The following AGBL1 variants were observed in gnomAD, a reference collection of about 807,000 sequenced individuals.
AGBL1 encodes AGBL carboxypeptidase 1, also known as cytosolic carboxypeptidase 4.
In AGBL1, 130 loss-of-function variants were observed where a neutral mutation model predicts 118.9. The ratio of observed to expected loss-of-function variants is 1.09; its 90% CI spans 0.95 to 1.26. The LOEUF is 1.26. Ranked by LOEUF, AGBL1 falls within the 50% of genes most tolerant of loss-of-function variation. The pLI is 0.00. For synonymous variants in AGBL1, 555 were observed against 478.9 expected, an observed-to-expected ratio of 1.16 and a Z score of -2.08; for missense variants, 1,584 against 1,298.1, an observed-to-expected ratio of 1.22 and a Z score of -3.38.
intron 17 of AGBL1, among the ~76,000 whole-genome samples, chr15:86,346,936 G>A (rs1327943174): frequency 2.0e-5 from 3 of 152,114 alleles, no homozygotes; most frequent in East Asian, 1.9e-4. Context: ...CAACTTGGAA[G>A]GCTATGAAAA....
chr15:86,202,490 A>G (rs1225995463), intron 5 of AGBL1, among the ~76,000 whole-genome samples: 6 of 152,218 alleles, frequency 3.9e-5, no homozygotes, highest in African/African-American at 1.4e-4. Flanking sequence ...TCTTCATAGT[A>G]AAATGAGACA....
chr15:86,936,724 A>G (rs1298598684), intron 23 of AGBL1, among the ~76,000 whole-genome samples: 3 of 152,242 alleles, frequency 2.0e-5, no homozygotes. Context: ...AGGCAATACC[A>G]TGCTAGACAT....
intron 18 of AGBL1, among the ~76,000 whole-genome samples, chr15:86,418,675 G>A (rs539533115): frequency 1.3e-3 from 201 of 152,168 alleles, no homozygotes; most frequent in African/African-American, 4.7e-3. Context: ...GCTAAGGGTG[G>A]GCTAAGCCAC....
chr15:86,645,520 G>A (rs1456937307), intron 21 of AGBL1, among the ~76,000 whole-genome samples: 3 of 152,168 alleles, frequency 2.0e-5, no homozygotes, highest in Non-Finnish European at 4.4e-5. Context: ...GTGGAGTTTG[G>A]CACATTGCCT....
rs182139541 is a variant in AGBL1, at chr15:86,802,384, C to G, written c.3159-104703C>G. On this transcript the variant is annotated intron_variant, in intron 22 of 22. Coordinates refer to ENST00000614907, the MANE Select transcript of AGBL1 (RefSeq NM_001386094.1). ...CCCCAGTTCCTATCACAGAGCCTGGCACTTGCAAGGGACTCAAATATTTCT... is the reference window on the plus strand; with the variant it reads ...CCCCAGTTCCTATCACAGAGCCTGGGACTTGCAAGGGACTCAAATATTTCT... 2.4e-4 allele frequency among the ~76,000 whole-genome samples: 36 copies of G among 152,132 alleles called. 1 individual carries two copies. In the East Asian group the frequency reaches 6.8e-3, roughly 29 times the overall value.
At chr15:86,297,709 A>G (rs1361637971) in intron 17 of AGBL1, among the ~76,000 whole-genome samples, 1 of 152,160 alleles carries the variant, frequency 6.6e-6, no homozygotes, top group Non-Finnish European at 1.5e-5. Flanking sequence ...ATCTTTCATC[A>G]TGGGGATTAA....
intron 19 of AGBL1, among the ~76,000 whole-genome samples, chr15:86,531,876 T>G (rs1168733586): frequency 6.8e-6 from 1 of 147,916 alleles, no homozygotes; most frequent in African/African-American, 2.5e-5. Context: ...ATTATCTCAA[T>G]AGATGCAGAA....
chr15:86,940,665 G>T (rs375386336), intron 23 of AGBL1, among the ~76,000 whole-genome samples: 28 of 152,258 alleles, frequency 1.8e-4, no homozygotes, highest in African/African-American at 6.5e-4. Flanking sequence ...AACCAAAACT[G>T]AGTTATCCAA....
chr15:86,987,061 T>G (rs987884625), intron 23 of AGBL1, among the ~76,000 whole-genome samples: 4 of 152,126 alleles, frequency 2.6e-5, no homozygotes, highest in African/African-American at 9.7e-5. Flanking sequence ...AGAAGGAATT[T>G]CACAAGGTAA....
In AGBL1 at chr15:86,970,865, G is replaced by A. The variant is rs533558345; in HGVS notation, c.3222-17122G>A. Reference sequence around the variant, plus strand: ...ATTCAACGAACTGAGGTTTTAAAATGTTTGGAAAAAACATAATAAAACATA... The same window carrying A: ...ATTCAACGAACTGAGGTTTTAAAATATTTGGAAAAAACATAATAAAACATA... On this transcript the variant is annotated intron_variant, in intron 23 of 24. Transcript: ENST00000441037. Among the ~76,000 whole-genome samples, 180 of 152,054 alleles carry A rather than the reference G, an allele frequency of 1.2e-3. 1 individual carries two copies. The highest frequency in any genetic ancestry group is 3.5e-3 in the African/African-American group (145 of 41,526).
intron 22 of AGBL1, among the ~76,000 whole-genome samples, chr15:86,827,418 TATATATATATAC>T (rs2079035160): frequency 3.3e-4 from 3 of 9,192 alleles, no homozygotes; most frequent in African/African-American, 1.6e-3. Flanking sequence ...TGTGTATATA[TATATATATATAC>T]ACATATATAT....
At chr15:86,148,426 C>A (rs189330758) in intron 3 of AGBL1, among the ~76,000 whole-genome samples, 1 of 152,040 alleles carries the variant, frequency 6.6e-6, no homozygotes, top group Admixed American at 6.6e-5. Context: ...GTGGAGGAGA[C>A]CTTAAATGAC....
At chr15:86,870,364 T>C (rs1204419669) in intron 22 of AGBL1, among the ~76,000 whole-genome samples, 1 of 149,638 alleles carries the variant, frequency 6.7e-6, no homozygotes, top group African/African-American at 2.5e-5. Flanking sequence ...TTTAAGCTTT[T>C]CCATTTCCTC....
intron 5 of AGBL1, among the ~76,000 whole-genome samples, chr15:86,167,543 G>A (rs1056712496): frequency 1.3e-5 from 2 of 152,254 alleles, no homozygotes; most frequent in Admixed American, 1.3e-4. Flanking sequence ...GCCATGCCTG[G>A]CCCGGGAACT....
At position 86,915,566 on chromosome 15, in the gene AGBL1, G is replaced by C. The variant is rs1442741598; in HGVS notation, c.*8272G>C. The C allele has an allele frequency of 6.6e-6, 1 of 152,100 alleles. No individual in the cohort carries two copies. Among genetic ancestry groups the C allele is most frequent in the African/African-American group, 2.4e-5 (1 of 41,396 alleles). The allele number at this position is 152,100 out of a possible 1,614,324, so 9.4% of individuals were successfully genotyped here. The stretch of plus-strand genomic sequence containing the variant: ...CATGATCTGATTCTGAGTTCCTACT[G>C]TCATCTTGGAGAAACCCAGTCACAG... On this transcript the variant is annotated 3_prime_UTR_variant, in exon 23 of 23. Transcript: ENST00000614907.
At chr15:86,664,627 C>T (rs1490532688) in intron 21 of AGBL1, among the ~76,000 whole-genome samples, 10 of 152,048 alleles carry the variant, frequency 6.6e-5, no homozygotes, top group South Asian at 2.1e-4. Flanking sequence ...GCCAAGTAGA[C>T]ACAAGCCTAG....
intron 21 of AGBL1, among the ~76,000 whole-genome samples, chr15:86,561,371 C>T (rs984566035): frequency 5.3e-5 from 8 of 152,216 alleles, no homozygotes; most frequent in Admixed American, 1.3e-4. Context: ...CAGCTTTCTA[C>T]GTCTGGCTAG....
chr15:86,763,337 A>C (rs531815663), intron 22 of AGBL1, among the ~76,000 whole-genome samples: 44 of 152,064 alleles, frequency 2.9e-4, no homozygotes, highest in Non-Finnish European at 5.4e-4. Flanking sequence ...CTAAAGAACT[A>C]TTTAACTCAC....
At chr15:86,329,067 G>A (rs2080231047) in intron 17 of AGBL1, among the ~76,000 whole-genome samples, 1 of 152,154 alleles carries the variant, frequency 6.6e-6, no homozygotes, top group Admixed American at 6.5e-5. Flanking sequence ...GGCCTGGGGT[G>A]GAAGGAGAGC....
Sources: gnomAD v4.1 joint callset for allele counts (sites outside exome capture counted in the v4.1 genomes callset) on GRCh38, gnomAD v4.1.1 for gene constraint, MANE v1.5 for transcripts, NCBI Gene and HGNC (gene_info 2026-07-23, HGNC 2026-07-21) for gene names.